The following SLC38A10 variants were observed in gnomAD, a reference collection of about 807,000 sequenced individuals.
SLC38A10 encodes Sodium-coupled neutral amino acid transporter 10.
SLC38A10 carries 53 observed loss-of-function variants against 81.0 expected under a neutral mutation model. The ratio of observed to expected loss-of-function variants is 0.65; its 90% CI spans 0.53 to 0.82. SLC38A10 has a LOEUF of 0.82. SLC38A10 is among the 40% of genes least tolerant of loss of function. The pLI is 0.00. For missense variants in SLC38A10, 1,471 were observed against 1,545.0 expected (o/e 0.95, Z 0.80); for synonymous variants, 665 against 655.3 (o/e 1.01, Z -0.23).
In SLC38A10 at chr17:81,286,139, A is replaced by G. The variant is rs1471911273; in HGVS notation, c.218-1244T>C. Among the ~76,000 whole-genome samples the G allele has an allele frequency of 6.6e-6, 1 of 152,130 alleles. No individual in the cohort carries two copies. The highest frequency in any genetic ancestry group is 2.4e-5 in the African/African-American group (1 of 41,422). On this transcript the variant is annotated intron_variant, in intron 2 of 15. Coordinates refer to ENST00000374759, the MANE Select transcript of SLC38A10 (RefSeq NM_001037984.3). The surrounding 1 kb of genome is among the most constrained non-coding windows in gnomAD (Gnocchi z 6.0). ...CTGCTGTCACCAAGGAACGCCCTCC[A>G]CACCCCTCAGTGACGGCACAGCCCG...
chr17:81,280,697 C>T lies in SLC38A10; in HGVS notation c.538G>A (p.Gly180Arg). The T allele has an allele frequency of 1.2e-6, 2 of 1,613,770 alleles. No homozygotes were observed. The highest frequency in any genetic ancestry group is 1.7e-6 in the Non-Finnish European group (2 of 1,179,976). Residue 180 changes from glycine to arginine, a missense_variant, in exon 6 of 16, where the codon GGG becomes AGG. Gly to Arg is a moderately radical substitution (Grantham distance 125). Around this residue, in one of 2 missense-constraint regions of SLC38A10, gnomAD observed 720 missense variants for 827.7 expected, o/e 0.87. Coordinates refer to ENST00000374759, the MANE Select transcript of SLC38A10 (RefSeq NM_001037984.3). ...LSSLKHGLFSGQWLRRVSYVR... is the reference protein window; with the variant it reads ...LSSLKHGLFSRQWLRRVSYVR... ...TAGCTGACCCGCCGCAGCCACTGCC[C>T]ACTGAAGAGGCCGTGCTTGAGAGAG...
In SLC38A10 at chr17:81,251,620, C is replaced by G; in HGVS notation, c.1946-8G>C. ...GGAGGGGAGGCTTCCCACCTGCACA[C>G]ACGGTGAAGACTCAGAAGGTTTTGC... is the stretch of plus-strand genomic sequence containing the variant. On this transcript the variant is annotated splice_region_variant and splice_polypyrimidine_tract_variant and intron_variant, in intron 13 of 15. Transcript: ENST00000374759. 1 of 1,481,208 alleles carries G rather than the reference C, an allele frequency of 6.8e-7. No homozygotes were observed. The highest frequency in any genetic ancestry group is 2.4e-5 in the East Asian group (1 of 42,532). The allele number at this position is 1,481,208 out of a possible 1,614,324, so 91.8% of individuals were successfully genotyped here. A position where few individuals can be genotyped will look rare whatever the true frequency, so the allele number is the denominator to read the frequency against.
At chr17:81,249,792 C>T (rs1479770423) in intron 14 of SLC38A10, among the ~76,000 whole-genome samples, 1 of 152,150 alleles carries the variant, frequency 6.6e-6, no homozygotes, top group East Asian at 1.9e-4. Flanking sequence ...GCAGCCTGCA[C>T]TCAGACGCTT....
Position 81,289,511 on chromosome 17 carries a change from G to A in SLC38A10, c.217+180C>T, listed in dbSNP as rs535120402. Among the ~76,000 whole-genome samples, 1 of 152,132 alleles carries A rather than the reference G, an allele frequency of 6.6e-6. No individual in the cohort carries two copies. The highest frequency in any genetic ancestry group is 2.1e-4 in the South Asian group (1 of 4,812). Reference sequence around the variant, plus strand: ...CCTCAGCCTCCCAAATAGTAGCTGGGACGACAGGCACGTGCAACCACACCC... The same window carrying A: ...CCTCAGCCTCCCAAATAGTAGCTGGAACGACAGGCACGTGCAACCACACCC... On this transcript the variant is annotated intron_variant, in intron 2 of 15. Coordinates refer to ENST00000374759, the MANE Select transcript of SLC38A10 (RefSeq NM_001037984.3). This position sits in a 1 kb window ranked among gnomAD's most constrained non-coding sequence, Gnocchi z 5.9.
At position 81,280,702 on chromosome 17, in the gene SLC38A10, A is replaced by G; in HGVS notation, c.533T>C (p.Phe178Ser). The change falls in exon 6 of 16, where the codon TTC (phenylalanine) becomes TCC (serine). Residue 178 changes from phenylalanine (F) to serine (S), a missense_variant. Physicochemically the swap from Phe to Ser is radical, Grantham distance 155 (BLOSUM62 -2). Around this residue, in one of 2 missense-constraint regions of SLC38A10, gnomAD observed 720 missense variants for 827.7 expected, o/e 0.87. Transcript: ENST00000374759. ...GACCCGCCGCAGCCACTGCCCACTG[A>G]AGAGGCCGTGCTTGAGAGAGGAGAG... ...IVLSSLKHGLFSGQWLRRVSY... is the reference protein window; with the variant it reads ...IVLSSLKHGLSSGQWLRRVSY... The G allele has an allele frequency of 1.2e-6, 2 of 1,613,738 alleles. No individual in the cohort carries two copies. Among genetic ancestry groups the G allele is most frequent in the Non-Finnish European group, 1.7e-6 (2 of 1,179,964 alleles).
At chr17:81,266,408 A>G (rs910516317) in intron 10 of SLC38A10, among the ~76,000 whole-genome samples, 16 of 152,190 alleles carry the variant, frequency 1.1e-4, no homozygotes, top group African/African-American at 3.9e-4. Flanking sequence ...TCATGAGGTC[A>G]GGAGATCGAG....
rs369907725 is a variant in SLC38A10 at position 81,289,986 on chromosome 17, C to T, written c.100-178G>A. 4.6e-5 allele frequency among the ~76,000 whole-genome samples: 7 copies of T among 152,196 alleles called. No individual in the cohort carries two copies. In the East Asian group the frequency reaches 7.7e-4, roughly 17 times the overall value. ...GGCCATTTCCTTGCTGTGGTGGCCG[C>T]GCGCCTTGTCCAGGGATGAAGCTGT... On this transcript the variant is annotated intron_variant, in intron 1 of 15. Transcript: ENST00000374759. The surrounding 1 kb of genome is among the most constrained non-coding windows in gnomAD (Gnocchi z 5.9).
intron 14 of SLC38A10, chr17:81,250,926 T>G: frequency 8.2e-7 from 1 of 1,215,652 alleles, no homozygotes; most frequent in Non-Finnish European, 1.0e-6. Context: ...CGTAAGGAGC[T>G]TTCCTGGAGG....
In SLC38A10 at chr17:81,260,386, C is replaced by A; in HGVS notation, c.1140G>T (p.Leu380=). Residue 380 remains leucine (L), a synonymous_variant, in exon 11 of 16, where the codon CTG becomes CTT. Coordinates refer to ENST00000374759, the MANE Select transcript of SLC38A10 (RefSeq NM_001037984.3). ...CCACCAGGACGCCCAGGCCGACCCACAGCACCACCTGAGGAGACAAAGACC... is the reference window on the plus strand; with the variant it reads ...CCACCAGGACGCCCAGGCCGACCCAAAGCACCACCTGAGGAGACAAAGACC... ...HKNALSSQVV[L]WVGLGVLVVS... The A allele has an allele frequency of 6.2e-7, 1 of 1,611,194 alleles. No homozygotes were observed. Among genetic ancestry groups the A allele is most frequent in the Non-Finnish European group, 8.5e-7 (1 of 1,179,214 alleles).
At position 81,277,343 on chromosome 17, in the gene SLC38A10, C is replaced by CT. The variant is rs760226955; in HGVS notation, c.627-211_627-210insA. Among the ~76,000 whole-genome samples, 11 of 152,200 alleles carry CT rather than the reference C, an allele frequency of 7.2e-5. No individual in the cohort carries two copies. Among genetic ancestry groups the CT allele is most frequent in the Non-Finnish European group, 1.2e-4 (8 of 68,030 alleles). On this transcript the variant is annotated intron_variant, in intron 6 of 15. Coordinates refer to ENST00000374759, the MANE Select transcript of SLC38A10 (RefSeq NM_001037984.3). This position sits in a 1 kb window ranked among gnomAD's most constrained non-coding sequence, Gnocchi z 4.5. ...CAGCAGCCCCCACTCAGGACACCCCCCAGAGCGTGCACCATGCGAACATTC... is the reference window on the plus strand; with the variant it reads ...CAGCAGCCCCCACTCAGGACACCCCCTCAGAGCGTGCACCATGCGAACATTC...
intron 13 of SLC38A10, 44 bp from the exon 14 acceptor site, chr17:81,251,656 A>C (rs1445157104): frequency 8.9e-6 from 13 of 1,454,016 alleles, no homozygotes; most frequent in Non-Finnish European, 1.2e-5. Context: ...AGGAAAGTCA[A>C]GGGAGGGTTT....
Position 81,280,676 on chromosome 17 carries a change from T to A in SLC38A10, c.559A>T (p.Ser187Cys). The A allele has an allele frequency of 1.2e-6, 2 of 1,609,010 alleles. No individual in the cohort carries two copies. The highest frequency in any genetic ancestry group is 2.7e-5 in the African/African-American group (2 of 74,996). ...AAGACGCCCTCCCAGCGGACGTAGC[T>A]GACCCGCCGCAGCCACTGCCCACTG... ...LFSGQWLRRV[S>C]YVRWEGVFRC... The change falls in exon 6 of 16, where the codon AGC becomes TGC. Residue 187 changes from serine to cysteine, a missense_variant. By Grantham distance (112) the Ser-to-Cys change is moderately radical. Coordinates refer to ENST00000374759, the MANE Select transcript of SLC38A10 (RefSeq NM_001037984.3).
chr17:81,249,581 C>T (rs527380483), intron 14 of SLC38A10, among the ~76,000 whole-genome samples: 6 of 120,230 alleles, frequency 5.0e-5, no homozygotes, highest in African/African-American at 2.1e-4. Context: ...AGCCATGCCA[C>T]GTCCAGCCAG....
At position 81,245,297 on chromosome 17, in the gene SLC38A10, A is replaced by G. The variant is rs2062837756; in HGVS notation, c.*259T>C. On this transcript the variant is annotated 3_prime_UTR_variant, in exon 16 of 16. Coordinates refer to ENST00000374759, the MANE Select transcript of SLC38A10 (RefSeq NM_001037984.3). The stretch of plus-strand genomic sequence containing the variant: ...CTCGCAGCGGAGGCCGTTTCTCCTC[A>G]CAGGCTGGAGTGAGCTCAGAGTCTA... 2.3e-6 allele frequency: 1 copy of G among 429,416 alleles called. No individual in the cohort carries two copies. The allele number at this position is 429,416 out of a possible 1,614,324, so 26.6% of individuals were successfully genotyped here.
intron 8 of SLC38A10, among the ~76,000 whole-genome samples, chr17:81,274,742 G>A (rs1052385036): frequency 2.0e-5 from 3 of 151,880 alleles, no homozygotes; most frequent in African/African-American, 2.4e-5. Flanking sequence ...CCCCACGCTC[G>A]GGGCGAAAGA....
Position 81,245,360 on chromosome 17 carries a change from C to A in SLC38A10, c.*196G>T. Reference sequence around the variant, plus strand: ...CCTCAGACTAAGAGCTGCAACAGAACGACAGCAAGAACATTCTGGAAACGA... The same window carrying A: ...CCTCAGACTAAGAGCTGCAACAGAAAGACAGCAAGAACATTCTGGAAACGA... On this transcript the variant is annotated 3_prime_UTR_variant, in exon 16 of 16. Coordinates refer to ENST00000374759, the MANE Select transcript of SLC38A10 (RefSeq NM_001037984.3). 1.5e-6 allele frequency: 1 copy of A among 667,358 alleles called. No homozygotes were observed. The highest frequency in any genetic ancestry group is 3.1e-5 in the East Asian group (1 of 32,500). The allele number at this position is 667,358 out of a possible 1,614,324, so 41.3% of individuals were successfully genotyped here.
chr17:81,295,097 G>A lies in SLC38A10; in HGVS notation c.-176C>T, dbSNP rs1315119881. On this transcript the variant is annotated 5_prime_UTR_variant, in exon 1 of 16. Transcript: ENST00000374759. ...GCAGGCGCGGGCGCGGGCCCCAGAG[G>A]CTGCCTGGAGGAGGCAGCCTCGAAG... The A allele has an allele frequency of 1.3e-5, 16 of 1,192,478 alleles. 1 individual carries two copies. The South Asian group carries it at 3.3e-4, about 25-fold the overall frequency. The allele number at this position is 1,192,478 out of a possible 1,614,324, so 73.9% of individuals were successfully genotyped here. A position where few individuals can be genotyped will look rare whatever the true frequency, so the allele number is the denominator to read the frequency against.
intron 6 of SLC38A10, chr17:81,279,613 C>T (rs7221140): frequency 0.027 from 4,193 of 153,246 alleles, 129 homozygotes; most frequent in Admixed American, 0.083. Flanking sequence ...TTGAGCCGCA[C>T]GCTCCAGCGC....
intron 14 of SLC38A10, among the ~76,000 whole-genome samples, chr17:81,248,517 C>T (rs531869128): frequency 1.2e-3 from 178 of 152,360 alleles, no homozygotes; most frequent in Admixed American, 2.3e-3. Context: ...AGTTATTTGC[C>T]GCAAGCGGCT....
Sources: allele counts gnomAD v4.1 joint callset (sites outside exome capture counted in the v4.1 genomes callset), GRCh38; gene constraint gnomAD v4.1.1; regional missense constraint gnomAD v4.1.1; non-coding constraint Gnocchi (gnomAD v3.1); transcripts MANE v1.5; gene names NCBI Gene and HGNC (gene_info 2026-07-23, HGNC 2026-07-21).